ALDH2: variants seen among roughly 807,000 people sequenced by gnomAD.
ALDH2 encodes the protein aldehyde dehydrogenase, mitochondrial.
A neutral mutation model predicts 59.6 loss-of-function variants in ALDH2; 44 were observed. The observed-to-expected ratio is 0.74, with a 90% confidence interval of 0.58 to 0.95. ALDH2 has a LOEUF of 0.95. ALDH2 is among the 40% of genes least tolerant of loss of function. The pLI, the probability that ALDH2 is intolerant of heterozygous loss-of-function variation, is 0.00. For synonymous variants in ALDH2, 291 were observed against 284.0 expected (o/e 1.02, Z -0.25); for missense variants, 570 against 696.3 (o/e 0.82, Z 2.04).
intron 11 of ALDH2, among the ~76,000 whole-genome samples, chr12:111,800,826 C>T (rs2068446008): frequency 6.6e-6 from 1 of 152,132 alleles, no homozygotes. Context: ...AGGTATTTAT[C>T]CAAGAGAAAG....
chr12:111,790,286 TA>T, intron 5 of ALDH2, 147 bp from the exon 6 acceptor site: 2 of 1,051,574 alleles, frequency 1.9e-6, no homozygotes, highest in Non-Finnish European at 1.4e-6. Flanking sequence ...CCATTCATCT[TA>T]AAACCACGAT....
intron 6 of ALDH2, 75 bp downstream of exon 6, chr12:111,790,637 CT>C: frequency 6.3e-7 from 1 of 1,586,448 alleles, no homozygotes; most frequent in Non-Finnish European, 8.6e-7. Flanking sequence ...TGAGAAGGGT[CT>C]CAGGGGTCCC....
Position 111,799,164 on chromosome 12 carries a change from A to G in ALDH2, c.1249-742A>G, listed in dbSNP as rs147568589. On this transcript the variant is annotated intron_variant, in intron 10 of 12. Transcript: ENST00000261733. Reference sequence around the variant, plus strand: ...AGGCATGAGCCACCACGCCCGGCTTATTTTTTCTCTTCTCGTTTTGAGATG... The same window carrying G: ...AGGCATGAGCCACCACGCCCGGCTTGTTTTTTCTCTTCTCGTTTTGAGATG... Among the ~76,000 whole-genome samples, 65 of 150,080 alleles carry G rather than the reference A, an allele frequency of 4.3e-4. No homozygotes were observed. The East Asian group carries it at 0.011, about 24-fold the overall frequency.
At chr12:111,807,041 C>T (rs532120807) in intron 12 of ALDH2, among the ~76,000 whole-genome samples, 8 of 151,792 alleles carry the variant, frequency 5.3e-5, no homozygotes, top group African/African-American at 1.7e-4. Context: ...CCGAGGTGGG[C>T]GAATCACAAG....
Position 111,789,910 on chromosome 12 carries a change from G to T in ALDH2, c.528G>T (p.Val176=). 1.2e-6 allele frequency: 2 copies of T among 1,614,150 alleles called. No homozygotes were observed. Among genetic ancestry groups the T allele is most frequent in the Non-Finnish European group, 1.7e-6 (2 of 1,179,994 alleles). ...TCAGCTACACACGCCATGAACCTGT[G>T]GGGGTGTGCGGGCAGATCATTCCGG... The part of the protein sequence containing the change: ...DFFSYTRHEP[V]GVCGQIIPWN... Residue 176 remains valine, a synonymous_variant, in exon 5 of 13, where the codon GTG becomes GTT. Coordinates refer to ENST00000261733, the MANE Select transcript of ALDH2 (RefSeq NM_000690.4).
intron 1 of ALDH2, among the ~76,000 whole-genome samples, chr12:111,772,674 G>GTTTTTTT: frequency 8.0e-6 from 1 of 124,672 alleles, no homozygotes; most frequent in Non-Finnish European, 1.6e-5. Context: ...TTTTTTTTTG[G>GTTTTTTT]TTTTTTTTTT....
intron 8 of ALDH2, among the ~76,000 whole-genome samples, 190 bp from the exon 9 acceptor site, chr12:111,792,408 G>T (rs769224658): frequency 3.9e-5 from 6 of 152,230 alleles, no homozygotes; most frequent in Non-Finnish European, 8.8e-5. Flanking sequence ...TCCACTTGCC[G>T]CCATCACGCC....
At position 111,766,957 on chromosome 12, in the gene ALDH2, C is replaced by T. The variant is rs762299805; in HGVS notation, c.-26C>T. Reference sequence around the variant, plus strand: ...TGAGACCCTAGCTCTGCTCTCGGTCCGCTCGCTGTCCGCTAGCCCGCTGCG... The same window carrying T: ...TGAGACCCTAGCTCTGCTCTCGGTCTGCTCGCTGTCCGCTAGCCCGCTGCG... On this transcript the variant is annotated 5_prime_UTR_variant, in exon 1 of 13. Transcript: ENST00000261733. 9 of 1,513,086 alleles carry T rather than the reference C, an allele frequency of 5.9e-6. No individual in the cohort carries two copies. The highest frequency in any genetic ancestry group is 1.4e-5 in the African/African-American group (1 of 69,878). 93.7% of individuals were successfully genotyped at this position (1,513,086 alleles called of 1,614,324 possible). A position where few individuals can be genotyped will look rare whatever the true frequency, so the allele number is the denominator to read the frequency against.
chr12:111,789,325 T>G (rs754970635), intron 4 of ALDH2, among the ~76,000 whole-genome samples: 1 of 151,468 alleles, frequency 6.6e-6, no homozygotes, highest in Non-Finnish European at 1.5e-5. Flanking sequence ...CAAGACCCTG[T>G]TTCTTAAAAA....
intron 1 of ALDH2, among the ~76,000 whole-genome samples, chr12:111,780,185 C>T (rs1050954741): frequency 6.6e-6 from 1 of 152,120 alleles, no homozygotes; most frequent in Admixed American, 6.6e-5. Flanking sequence ...GAACACCGCA[C>T]GCAGCCTCGC....
Position 111,809,921 on chromosome 12 carries a change from A to G in ALDH2, c.*346A>G. ...TTTACAATTATATCACCATTAAGGC[A>G]ACTGCTACACCCTGCTTTGTATTCT... On this transcript the variant is annotated 3_prime_UTR_variant, in exon 13 of 13. Coordinates refer to ENST00000261733, the MANE Select transcript of ALDH2 (RefSeq NM_000690.4). 1 of 380,614 alleles carries G rather than the reference A, an allele frequency of 2.6e-6. No homozygotes were observed. Among genetic ancestry groups the G allele is most frequent in the Non-Finnish European group, 4.8e-6 (1 of 206,598 alleles). The allele number at this position is 380,614 out of a possible 1,614,324, so 23.6% of individuals were successfully genotyped here. A position where few individuals can be genotyped will look rare whatever the true frequency, so the allele number is the denominator to read the frequency against.
chr12:111,805,323 G>T (rs1017213721), intron 12 of ALDH2, among the ~76,000 whole-genome samples: 1 of 152,130 alleles, frequency 6.6e-6, no homozygotes, highest in Non-Finnish European at 1.5e-5. Context: ...TTTGAAGCTA[G>T]CCTGGAAAAT....
At chr12:111,778,608 C>A (rs1053689744) in intron 1 of ALDH2, among the ~76,000 whole-genome samples, 3 of 150,448 alleles carry the variant, frequency 2.0e-5, no homozygotes, top group Non-Finnish European at 4.4e-5. Context: ...CCCAGACGGG[C>A]GGATCACGAG....
At chr12:111,807,319 C>G (rs1209796649) in intron 12 of ALDH2, among the ~76,000 whole-genome samples, 2 of 151,926 alleles carry the variant, frequency 1.3e-5, no homozygotes, top group Admixed American at 6.6e-5. Context: ...CCTCTGTATC[C>G]CCACCATAAA....
At chr12:111,783,350 C>CAGCATCCTGTGAACAGCCAGGAACCA in intron 3 of ALDH2, 52 bp downstream of exon 3, 2 of 1,555,272 alleles carry the variant, frequency 1.3e-6, no homozygotes, top group South Asian at 2.4e-5. Context: ...AATAGGCTCG[C>CAGCATCCTGTGAACAGCCAGGAACCA]AGCATCCTGT....
intron 1 of ALDH2, among the ~76,000 whole-genome samples, chr12:111,773,869 C>T (rs2068218238): frequency 6.6e-6 from 1 of 152,110 alleles, no homozygotes; most frequent in African/African-American, 2.4e-5. Context: ...TGAATGGTTG[C>T]CATTTACGAA....
intron 1 of ALDH2, among the ~76,000 whole-genome samples, chr12:111,773,197 G>A (rs1366624217): frequency 4.6e-5 from 7 of 151,776 alleles, no homozygotes; most frequent in Non-Finnish European, 1.0e-4. Flanking sequence ...TTGTGGTGGG[G>A]CCCAGTGACA....
At chr12:111,794,399 C>T (rs1455835497) in intron 9 of ALDH2, among the ~76,000 whole-genome samples, 1 of 152,106 alleles carries the variant, frequency 6.6e-6, no homozygotes, top group Non-Finnish European at 1.5e-5. Context: ...CTCAGACTGG[C>T]TTCTTTCTTT....
chr12:111,780,089 C>T (rs1434495500), intron 1 of ALDH2, among the ~76,000 whole-genome samples: 1 of 152,130 alleles, frequency 6.6e-6, no homozygotes, highest in Non-Finnish European at 1.5e-5. Context: ...GATGGGGTTT[C>T]ACCGTGTTGG....
Sources: gnomAD v4.1 joint callset for allele counts (sites outside exome capture counted in the v4.1 genomes callset) on GRCh38, gnomAD v4.1.1 for gene constraint, MANE v1.5 for transcripts, NCBI Gene and HGNC (gene_info 2026-07-23, HGNC 2026-07-21) for gene names.